Variants in ITGB8 observed in about 807,000 individuals in gnomAD.
The protein encoded by ITGB8 is integrin subunit beta 8.
Under a neutral mutation model 89.5 loss-of-function variants are expected in ITGB8, and 30 were observed. The observed-to-expected ratio is 0.34, with a 90% CI of 0.25 to 0.45. ITGB8 has a LOEUF of 0.45. Among genes scored for constraint, ITGB8 ranks in the 20% least tolerant of loss-of-function variants. The probability of loss-of-function intolerance (pLI) is 1.00; values close to 1 mark genes in which losing one functional copy is unlikely to be tolerated. For synonymous variants in ITGB8, 335 were observed against 320.4 expected (o/e 1.05, Z -0.49); for missense variants, 836 against 933.3 (o/e 0.90, Z 1.36).
chr7:20,351,037 G>T (rs1562658299), intron 1 of ITGB8, among the ~76,000 whole-genome samples: 1 of 152,168 alleles, frequency 6.6e-6, no homozygotes, highest in East Asian at 1.9e-4. Context: ...ATTTAGGAGA[G>T]TCTCTGACTC....
intron 4 of ITGB8, chr7:20,380,204 A>T (rs1786320740): frequency 6.3e-6 from 1 of 158,618 alleles, no homozygotes; most frequent in African/African-American, 2.4e-5. Flanking sequence ...ATGAATATTG[A>T]TTGTTCATCA....
At position 20,398,634 on chromosome 7, in the gene ITGB8, A is replaced by G. The variant is rs1034006907; in HGVS notation, c.1147-226A>G. Among the ~76,000 whole-genome samples, 9 of 152,386 alleles carry G rather than the reference A, an allele frequency of 5.9e-5. 1 individual carries two copies. The South Asian group carries it at 1.9e-3, about 32-fold the overall frequency. On this transcript the variant is annotated intron_variant, in intron 8 of 13. Transcript: ENST00000222573. ...GCAGTCATGGAAATATGTAAAAAAAATAGAACAATTTGAATGCAGATAATC... is the reference window on the plus strand; with the variant it reads ...GCAGTCATGGAAATATGTAAAAAAAGTAGAACAATTTGAATGCAGATAATC...
intron 3 of ITGB8, among the ~76,000 whole-genome samples, chr7:20,367,595 A>G (rs1785754295): frequency 6.6e-6 from 1 of 152,152 alleles, no homozygotes; most frequent in East Asian, 1.9e-4. Flanking sequence ...GATCTTCCAA[A>G]ATTAAATCAA....
rs761752867 is a variant in ITGB8, at chr7:20,379,047, C to A, written c.389-4C>A. On this transcript the variant is annotated splice_polypyrimidine_tract_variant and splice_region_variant and intron_variant, in intron 3 of 13. Transcript: ENST00000222573. ...TACATGATGTTTTTCTTCTATTGAA[C>A]TAGGAGCCGAAGCTAATTTTATGCT... The A allele has an allele frequency of 6.3e-7, 1 of 1,577,044 alleles. No individual in the cohort carries two copies. The highest frequency in any genetic ancestry group is 1.2e-5 in the South Asian group (1 of 84,422).
chr7:20,342,749 C>CA (rs1442169328), intron 1 of ITGB8, among the ~76,000 whole-genome samples: 1 of 151,384 alleles, frequency 6.6e-6, no homozygotes, highest in Admixed American at 6.6e-5. Context: ...TTAGGTTGTT[C>CA]AAGACCAAAG....
chr7:20,353,883 G>T (rs1357497775), intron 1 of ITGB8, among the ~76,000 whole-genome samples: 1 of 122,112 alleles, frequency 8.2e-6, no homozygotes, highest in African/African-American at 3.4e-5. Context: ...AGTGAGCCGA[G>T]ATCGCGCCAC....
intron 1 of ITGB8, among the ~76,000 whole-genome samples, chr7:20,344,475 C>T (rs1583470420): frequency 6.6e-6 from 1 of 152,302 alleles, no homozygotes; most frequent in Non-Finnish European, 1.5e-5. Context: ...TAATTAGTTG[C>T]ATTGTTCTTA....
At chr7:20,380,970 A>G in intron 5 of ITGB8, 139 bp downstream of exon 5, 1 of 687,572 alleles carries the variant, frequency 1.5e-6, no homozygotes, top group South Asian at 2.0e-5. Flanking sequence ...ACTCCTCACC[A>G]AGGTGATTCA....
chr7:20,363,972 T>C (rs1359568941), intron 2 of ITGB8, among the ~76,000 whole-genome samples: 1 of 152,222 alleles, frequency 6.6e-6, no homozygotes, highest in Non-Finnish European at 1.5e-5. Context: ...GTTTTCCATG[T>C]GTTCTATAGA....
intron 1 of ITGB8, among the ~76,000 whole-genome samples, chr7:20,332,214 G>A (rs1292317960): frequency 1.3e-5 from 2 of 152,196 alleles, no homozygotes; most frequent in African/African-American, 4.8e-5. Context: ...TTGGAAAAGA[G>A]GGTGTCCTGT....
rs1470603021 is a variant in ITGB8, at chr7:20,412,062, C to T, written c.*2065C>T. The T allele has an allele frequency of 6.6e-6, 1 of 152,594 alleles. No homozygotes were observed. Among genetic ancestry groups the T allele is most frequent in the African/African-American group, 2.4e-5 (1 of 41,422 alleles). The allele number at this position is 152,594 out of a possible 1,614,324, so 9.5% of individuals were successfully genotyped here. On this transcript the variant is annotated 3_prime_UTR_variant, in exon 14 of 14. Coordinates refer to ENST00000222573, the MANE Select transcript of ITGB8 (RefSeq NM_002214.3). ...ACTTCCAAGATTTGCTGTCTTCCAG[C>T]ACTTGAGTTAAAGTACTAGATACTG...
chr7:20,348,605 T>C (rs1013453441), intron 1 of ITGB8, among the ~76,000 whole-genome samples: 1 of 152,204 alleles, frequency 6.6e-6, no homozygotes, highest in Non-Finnish European at 1.5e-5. Context: ...AATGGCTCTG[T>C]CCATGGTGGA....
rs570193200 is a variant in ITGB8, at chr7:20,412,216, A to G, written c.*2219A>G. ...TGTCCTCTACAGCCAAGCACTTTCAATGCTAACTTGAACTGCATTTCCTTC... is the reference window on the plus strand; with the variant it reads ...TGTCCTCTACAGCCAAGCACTTTCAGTGCTAACTTGAACTGCATTTCCTTC... On this transcript the variant is annotated 3_prime_UTR_variant, in exon 14 of 14. Transcript: ENST00000222573. 6.5e-6 allele frequency: 1 copy of G among 152,760 alleles called. No homozygotes were observed. The highest frequency in any genetic ancestry group is 2.4e-5 in the African/African-American group (1 of 41,578). 9.5% of individuals were successfully genotyped at this position (152,760 alleles called of 1,614,324 possible). A position where few individuals can be genotyped will look rare whatever the true frequency, so the allele number is the denominator to read the frequency against.
At chr7:20,357,973 T>C (rs1281277297) in intron 1 of ITGB8, among the ~76,000 whole-genome samples, 1 of 152,194 alleles carries the variant, frequency 6.6e-6, no homozygotes, top group African/African-American at 2.4e-5. Context: ...TTTGTTTTGT[T>C]TGTTTGTTTT....
In ITGB8 at chr7:20,330,965, AC is replaced by A. The variant is rs1784361358; in HGVS notation, c.-841del. ...TGAGCCGCGCACTGAGGCGAAAAGG[AC>A]AAGGGCACGCAGCCCCCGCCCCGCG... is the stretch of plus-strand genomic sequence containing the variant. On this transcript the variant is annotated 5_prime_UTR_variant, in exon 1 of 14. Transcript: ENST00000222573. The A allele has an allele frequency of 6.6e-6, 1 of 152,376 alleles. No homozygotes were observed. The highest frequency in any genetic ancestry group is 2.4e-5 in the African/African-American group (1 of 41,460). The allele number at this position is 152,376 out of a possible 1,614,324, so 9.4% of individuals were successfully genotyped here.
chr7:20,373,799 G>C (rs1257011443), intron 3 of ITGB8, among the ~76,000 whole-genome samples: 1 of 152,002 alleles, frequency 6.6e-6, no homozygotes, highest in Admixed American at 6.6e-5. Context: ...ATTTTCTCTT[G>C]GTTTTAAAAT....
chr7:20,330,287 A>C (rs1784330109), upstream of ITGB8, among the ~76,000 whole-genome samples: 1 of 152,188 alleles, frequency 6.6e-6, no homozygotes, highest in African/African-American at 2.4e-5. Flanking sequence ...CGAGCTCCTA[A>C]CTGCAAGCAA....
At chr7:20,405,910 T>A in intron 11 of ITGB8, 152 bp from the exon 12 acceptor site, 1 of 560,148 alleles carries the variant, frequency 1.8e-6, no homozygotes, top group East Asian at 2.9e-5. Context: ...AATGCAATCC[T>A]TCGATGTAAT....
chr7:20,394,719 TG>T (rs1262495640), intron 7 of ITGB8, among the ~76,000 whole-genome samples, 176 bp from the exon 8 acceptor site: 1 of 152,182 alleles, frequency 6.6e-6, no homozygotes, highest in Non-Finnish European at 1.5e-5. Context: ...AACCACTACA[TG>T]GGTATATGTT....
Sources: allele counts gnomAD v4.1 joint callset (sites outside exome capture counted in the v4.1 genomes callset), GRCh38; gene constraint gnomAD v4.1.1; transcripts MANE v1.5; gene names NCBI Gene and HGNC (gene_info 2026-07-23, HGNC 2026-07-21).